The following SLC4A4 variants were observed in gnomAD, a reference collection of about 807,000 sequenced individuals.
The protein encoded by SLC4A4 is electrogenic sodium bicarbonate cotransporter 1.
Under a neutral mutation model 111.5 loss-of-function variants are expected in SLC4A4, and 27 were observed. The ratio of observed to expected loss-of-function variants is 0.24; its 90% CI spans 0.18 to 0.33. SLC4A4 has a LOEUF of 0.33. SLC4A4 is among the 10% of genes least tolerant of loss of function. SLC4A4 has a pLI of 1.00. For synonymous variants in SLC4A4, 443 were observed against 463.4 expected (o/e 0.96, Z 0.57); for missense variants, 909 against 1,315.5 (o/e 0.69, Z 4.78).
intron 1 of SLC4A4, among the ~76,000 whole-genome samples, chr4:71,218,007 T>A (rs543094758): frequency 6.6e-6 from 1 of 150,662 alleles, no homozygotes; most frequent in East Asian, 2.0e-4. Context: ...TCTAAGACTC[T>A]TCTTGGCAAT....
chr4:71,297,585 C>CT lies in SLC4A4; in HGVS notation c.254-41765dup, dbSNP rs112132682. Among the ~76,000 whole-genome samples the CT allele has an allele frequency of 7.9e-3, 908 of 115,020 alleles. 7 individuals are homozygous for CT. Among genetic ancestry groups the CT allele is most frequent in the African/African-American group, 0.016 (462 of 28,940 alleles). 75.5% of individuals were successfully genotyped at this position (115,020 alleles called of 152,430 possible). On this transcript the variant is annotated intron_variant, in intron 3 of 25. Transcript: ENST00000264485. ...AAAAGAAATGAATGTATTGGTGAAT[C>CT]TTTTTTTTTTTTTTTTTTTTGAGTT...
intron 2 of SLC4A4, among the ~76,000 whole-genome samples, chr4:71,180,280 C>T (rs1270613459): frequency 6.6e-6 from 1 of 152,208 alleles, no homozygotes; most frequent in Non-Finnish European, 1.5e-5. Flanking sequence ...CCATTCAGGA[C>T]ATAGGCATGG....
At chr4:71,300,929 C>G (rs1463234399) in intron 3 of SLC4A4, 2 of 523,804 alleles carry the variant, frequency 3.8e-6, no homozygotes, top group African/African-American at 3.9e-5. Context: ...GAAGATAGAT[C>G]ACCAGGTTGT....
At chr4:71,077,882 G>A (rs1441196443) in intron 1 of SLC4A4, among the ~76,000 whole-genome samples, 2 of 152,010 alleles carry the variant, frequency 1.3e-5, no homozygotes, top group African/African-American at 2.4e-5. Flanking sequence ...ACATTAACAG[G>A]CAAAAGAATG....
At chr4:71,144,350 C>G (rs1282742941) in intron 2 of SLC4A4, among the ~76,000 whole-genome samples, 1 of 152,170 alleles carries the variant, frequency 6.6e-6, no homozygotes, top group Non-Finnish European at 1.5e-5. Context: ...GTTACTGTAG[C>G]CTTGTAGTAT....
chr4:71,277,755 T>C (rs1361254082), intron 3 of SLC4A4, among the ~76,000 whole-genome samples: 1 of 152,082 alleles, frequency 6.6e-6, no homozygotes, highest in Non-Finnish European at 1.5e-5. Flanking sequence ...TTGTTAGATA[T>C]GTGATTTGCA....
intron 2 of SLC4A4, among the ~76,000 whole-genome samples, chr4:71,120,047 A>T (rs1316112192): frequency 6.6e-6 from 1 of 151,926 alleles, no homozygotes; most frequent in Non-Finnish European, 1.5e-5. Flanking sequence ...AACATAGTGA[A>T]TTTTTTTATC....
intron 16 of SLC4A4, among the ~76,000 whole-genome samples, chr4:71,509,488 A>G (rs1183629570): frequency 6.6e-6 from 1 of 151,926 alleles, no homozygotes; most frequent in Non-Finnish European, 1.5e-5. Context: ...ACTCAGTAGC[A>G]TGGTTGCCAT....
At chr4:71,330,099 T>A (rs1162084364) in intron 3 of SLC4A4, among the ~76,000 whole-genome samples, 1 of 152,226 alleles carries the variant, frequency 6.6e-6, no homozygotes, top group East Asian at 1.9e-4. Flanking sequence ...TCTGTTGATA[T>A]GATGTATCAC....
chr4:71,179,631 C>A (rs372930918), intron 2 of SLC4A4, among the ~76,000 whole-genome samples: 116 of 152,156 alleles, frequency 7.6e-4, no homozygotes, highest in African/African-American at 2.2e-3. Flanking sequence ...ATACCTAGGA[C>A]TCCAACTTAC....
At chr4:71,160,009 C>G (rs1356504093) in intron 2 of SLC4A4, among the ~76,000 whole-genome samples, 1 of 152,142 alleles carries the variant, frequency 6.6e-6, no homozygotes, top group East Asian at 1.9e-4. Context: ...TAATACCTAA[C>G]ATTTATTGAA....
At chr4:71,174,746 CTTT>C (rs1745039206) in intron 2 of SLC4A4, among the ~76,000 whole-genome samples, 1 of 152,068 alleles carries the variant, frequency 6.6e-6, no homozygotes. Flanking sequence ...AACACATTTT[CTTT>C]TATTTGTTTT....
intron 1 of SLC4A4, among the ~76,000 whole-genome samples, chr4:71,228,292 T>C (rs1390053074): frequency 6.6e-6 from 1 of 152,102 alleles, no homozygotes; most frequent in Non-Finnish European, 1.5e-5. Context: ...ATGGAGAAGA[T>C]GGAAAGGGAG....
chr4:71,526,221 CTG>C lies in SLC4A4; in HGVS notation c.2167-5838_2167-5837del, dbSNP rs1733406802. Among the ~76,000 whole-genome samples the C allele has an allele frequency of 2.0e-5, 3 of 152,038 alleles. No homozygotes were observed. The South Asian group carries it at 6.2e-4, about 32-fold the overall frequency. The stretch of plus-strand genomic sequence containing the variant: ...GTCTGGGGAAAATCAATTTCCTTGA[CTG>C]TGAAGTTTAAACTGGATTCAAGATC... On this transcript the variant is annotated intron_variant, in intron 16 of 25. Coordinates refer to ENST00000264485, the MANE Select transcript of SLC4A4 (RefSeq NM_001098484.3).
chr4:71,244,171 A>G (rs930736882), intron 2 of SLC4A4, among the ~76,000 whole-genome samples: 2 of 152,216 alleles, frequency 1.3e-5, no homozygotes, highest in Admixed American at 1.3e-4. Flanking sequence ...TGTGTTTGAC[A>G]AATTAAATTA....
At chr4:71,082,434 C>T (rs138361962) in intron 1 of SLC4A4, among the ~76,000 whole-genome samples, 2 of 151,986 alleles carry the variant, frequency 1.3e-5, no homozygotes, top group African/African-American at 4.8e-5. Context: ...CCCTCCCTTG[C>T]CTGCCTGCTA....
rs1715360289 is a variant in SLC4A4, at chr4:71,571,059, C to T, written c.*3308C>T. 6.6e-6 allele frequency: 1 copy of T among 152,202 alleles called. No homozygotes were observed. Among genetic ancestry groups the T allele is most frequent in the African/African-American group, 2.4e-5 (1 of 41,386 alleles). The allele number at this position is 152,202 out of a possible 1,614,324, so 9.4% of individuals were successfully genotyped here. On this transcript the variant is annotated 3_prime_UTR_variant, in exon 26 of 26. Coordinates refer to ENST00000264485, the MANE Select transcript of SLC4A4 (RefSeq NM_001098484.3). ...CGTGTATTTTATGCTCATGCACCAA[C>T]CCATACAGAGTAAATCTTTTATCAA...
chr4:71,263,293 T>G (rs1160881701), intron 3 of SLC4A4, among the ~76,000 whole-genome samples: 3 of 152,110 alleles, frequency 2.0e-5, no homozygotes, highest in South Asian at 2.1e-4. Flanking sequence ...ACTTCCCCAG[T>G]TTTTGAACTC....
At chr4:71,251,928 C>T (rs1721095776) in intron 2 of SLC4A4, among the ~76,000 whole-genome samples, 1 of 152,020 alleles carries the variant, frequency 6.6e-6, no homozygotes, top group South Asian at 2.1e-4. Flanking sequence ...TAGTCCCTTG[C>T]TGGGTTGGAA....
Sources: allele counts gnomAD v4.1 joint callset (sites outside exome capture counted in the v4.1 genomes callset), GRCh38; gene constraint gnomAD v4.1.1; transcripts MANE v1.5; gene names NCBI Gene and HGNC (gene_info 2026-07-23, HGNC 2026-07-21).